ENKUR: variants seen among roughly 807,000 people sequenced by gnomAD.
ENKUR encodes enkurin.
A neutral mutation model predicts 27.6 loss-of-function variants in ENKUR; 19 were observed. The ratio of observed to expected loss-of-function variants is 0.69; its 90% CI spans 0.48 to 1.01. ENKUR has a LOEUF of 1.01. Among genes scored for constraint, ENKUR ranks in the 50% least tolerant of loss-of-function variants. The pLI is 0.00. For missense variants in ENKUR, 312 were observed against 310.5 expected (o/e 1.00, Z -0.04); for synonymous variants, 117 against 96.9 (o/e 1.21, Z -1.22).
intron 2 of ENKUR, among the ~76,000 whole-genome samples, chr10:25,047,483 G>C (rs1031810021): frequency 2.6e-5 from 4 of 152,092 alleles, no homozygotes; most frequent in Non-Finnish European, 5.9e-5. Flanking sequence ...GTGTTTCCTG[G>C]CTTTGCTCAA....
At chr10:25,041,280 G>A (rs1718844328) in intron 2 of ENKUR, among the ~76,000 whole-genome samples, 1 of 152,088 alleles carries the variant, frequency 6.6e-6, no homozygotes, top group Non-Finnish European at 1.5e-5. Context: ...TTCCTTGTAT[G>A]TCCTGTGTCT....
intron 2 of ENKUR, among the ~76,000 whole-genome samples, chr10:25,039,634 TCTA>T (rs1851040171): frequency 3.3e-5 from 5 of 152,186 alleles, no homozygotes; most frequent in African/African-American, 1.2e-4. Context: ...TTGCTTATTA[TCTA>T]GCTATGTGCA....
At chr10:25,027,494 C>T (rs890791828) in intron 2 of ENKUR, among the ~76,000 whole-genome samples, 5 of 148,178 alleles carry the variant, frequency 3.4e-5, no homozygotes, top group South Asian at 4.3e-4. Context: ...GCAGAGATTG[C>T]GCCGTTGCAC....
intron 2 of ENKUR, among the ~76,000 whole-genome samples, chr10:25,037,382 G>A (rs1851020124): frequency 6.6e-6 from 1 of 152,156 alleles, no homozygotes; most frequent in Non-Finnish European, 1.5e-5. Context: ...AGGATTTGGT[G>A]ACAAATTAGA....
At chr10:25,011,967 A>C (rs1044475655) in intron 1 of ENKUR, among the ~76,000 whole-genome samples, 1 of 152,140 alleles carries the variant, frequency 6.6e-6, no homozygotes, top group Non-Finnish European at 1.5e-5. Context: ...TAGGAGAAAA[A>C]ATGGTTTCAT....
chr10:25,023,493 C>A (rs1850767290), intron 2 of ENKUR: 1 of 1,613,988 alleles, frequency 6.2e-7, no homozygotes, highest in East Asian at 2.2e-5. Flanking sequence ...ATGATGATAT[C>A]CTTGAAAAAA....
intron 2 of ENKUR, among the ~76,000 whole-genome samples, chr10:24,998,520 G>C (rs573396545): frequency 6.6e-6 from 1 of 152,046 alleles, no homozygotes; most frequent in South Asian, 2.1e-4. Context: ...GACTACAGGT[G>C]CATGCCATCA....
chr10:25,053,904 T>G (rs1004422226), intron 2 of ENKUR, among the ~76,000 whole-genome samples: 2 of 152,192 alleles, frequency 1.3e-5, no homozygotes, highest in Non-Finnish European at 2.9e-5. Context: ...ACTTCACTAA[T>G]ATGGTTGGAG....
chr10:25,061,399 G>A (rs1380123098), intron 1 of ENKUR: 2 of 446,296 alleles, frequency 4.5e-6, no homozygotes, highest in Non-Finnish European at 8.0e-6. Context: ...TGCACAGATG[G>A]CAAGGTGGAA....
At chr10:25,062,008 G>GT (rs1309595407) in intron 1 of ENKUR, among the ~76,000 whole-genome samples, 2 of 152,182 alleles carry the variant, frequency 1.3e-5, no homozygotes, top group East Asian at 1.9e-4. Flanking sequence ...GAGAAATAAC[G>GT]TAACGATAAC....
At chr10:24,997,835 TATATC>T (rs1194449597) in intron 2 of ENKUR, among the ~76,000 whole-genome samples, 3 of 145,266 alleles carry the variant, frequency 2.1e-5, no homozygotes, top group African/African-American at 8.3e-5. Context: ...ATGTTTGTGT[TATATC>T]ATATGTTTAA....
At position 24,995,759 on chromosome 10, in the gene ENKUR, C is replaced by T; in HGVS notation, c.334G>A (p.Asp112Asn). Residue 112 changes from aspartate to asparagine, a missense_variant, in exon 3 of 6, where the codon GAT (aspartate) becomes AAT (asparagine). Asp to Asn is a conservative substitution (Grantham distance 23, BLOSUM62 1). Coordinates refer to ENST00000331161, the MANE Select transcript of ENKUR (RefSeq NM_145010.4). ...TTTTTAGCCACTCCCATGATGATAT[C>T]AGCTGCATTTGTATTTATAAAATTT... ...GKNFINTNAA[D>N]IIMGVAKKPK... The T allele has an allele frequency of 1.9e-6, 3 of 1,614,036 alleles. No individual in the cohort carries two copies. The highest frequency in any genetic ancestry group is 2.5e-6 in the Non-Finnish European group (3 of 1,179,974).
upstream of ENKUR, among the ~76,000 whole-genome samples, chr10:25,017,023 C>CCCGCCCCTGCTCCCGGGA (rs1850606523): frequency 5.3e-5 from 8 of 152,166 alleles, no homozygotes; most frequent in Non-Finnish European, 8.8e-5. Context: ...CGCTCGCCCT[C>CCCGCCCCTGCTCCCGGGA]CCGCCCCTGC....
intron 2 of ENKUR, among the ~76,000 whole-genome samples, chr10:25,054,514 C>CTTTCT (rs1564358721): frequency 1.9e-4 from 5 of 26,532 alleles, no homozygotes; most frequent in East Asian, 2.4e-3. Flanking sequence ...TCTTTCTTTC[C>CTTTCT]TTTCTTTCTT....
At chr10:25,057,913 A>G (rs1353484543) in intron 2 of ENKUR, among the ~76,000 whole-genome samples, 1 of 152,084 alleles carries the variant, frequency 6.6e-6, no homozygotes, top group Non-Finnish European at 1.5e-5. Flanking sequence ...ATAAATATGT[A>G]GGCATGGTGG....
intron 2 of ENKUR, among the ~76,000 whole-genome samples, chr10:25,027,374 A>C (rs1156841786): frequency 1.8e-4 from 26 of 144,614 alleles, no homozygotes; most frequent in African/African-American, 5.5e-4. Flanking sequence ...AAAAAAAAAA[A>C]AAAAAAAAAA....
intron 3 of ENKUR, among the ~76,000 whole-genome samples, chr10:24,992,766 A>G (rs1849953794): frequency 6.6e-6 from 1 of 152,214 alleles, no homozygotes; most frequent in Non-Finnish European, 1.5e-5. Flanking sequence ...TCCTGACTGA[A>G]CAAGGGATAG....
upstream of ENKUR, among the ~76,000 whole-genome samples, chr10:25,020,226 A>G (rs1850689277): frequency 7.2e-6 from 1 of 138,866 alleles, no homozygotes. Context: ...AACTGTCATA[A>G]TTTTCTTTAA....
intron 2 of ENKUR, among the ~76,000 whole-genome samples, chr10:25,022,342 T>A (rs1413393773): frequency 6.6e-6 from 1 of 152,196 alleles, no homozygotes; most frequent in African/African-American, 2.4e-5. Flanking sequence ...GTCTGGAAAT[T>A]GAGTTAAATC....
Sources: gnomAD v4.1 joint callset for allele counts (sites outside exome capture counted in the v4.1 genomes callset) on GRCh38, gnomAD v4.1.1 for gene constraint, MANE v1.5 for transcripts, NCBI Gene and HGNC (gene_info 2026-07-23, HGNC 2026-07-21) for gene names.